The following RYR2 variants were observed in gnomAD, a reference collection of about 807,000 sequenced individuals.
RYR2 encodes the protein cardiac muscle ryanodine receptor-calcium release channel.
A neutral mutation model predicts 601.1 loss-of-function variants in RYR2; 227 were observed. The ratio of observed to expected loss-of-function variants is 0.38; its 90% CI spans 0.34 to 0.42. RYR2 has a LOEUF of 0.42. Among genes scored for constraint, RYR2 ranks in the 10% least tolerant of loss-of-function variants. RYR2 has a pLI of 1.00. For synonymous variants in RYR2, 2,223 were observed against 2,175.1 expected, an observed-to-expected ratio of 1.02 and a Z score of -0.61; for missense variants, 4,646 against 6,156.5, an observed-to-expected ratio of 0.75 and a Z score of 8.21.
At chr1:237,530,338 G>A (rs1668017985) in intron 24 of RYR2, 89 bp from the exon 25 acceptor site, 1 of 931,814 alleles carries the variant, frequency 1.1e-6, no homozygotes, top group East Asian at 2.7e-5. Context: ...GTGCTTTCAA[G>A]GTTGTATCTC....
At chr1:237,536,236 T>A (rs529403002) in intron 25 of RYR2, among the ~76,000 whole-genome samples, 1 of 152,222 alleles carries the variant, frequency 6.6e-6, no homozygotes, top group African/African-American at 2.4e-5. Context: ...CTGCACTTGA[T>A]GTTATTTATG....
At chr1:237,224,653 A>G (rs1189726200) in intron 1 of RYR2, among the ~76,000 whole-genome samples, 1 of 152,008 alleles carries the variant, frequency 6.6e-6, no homozygotes, top group Non-Finnish European at 1.5e-5. Context: ...AGACCAATAG[A>G]TCAAGACCAG....
At chr1:237,820,258 G>A (rs1276287986) in intron 101 of RYR2, among the ~76,000 whole-genome samples, 2 of 151,678 alleles carry the variant, frequency 1.3e-5, no homozygotes, top group Non-Finnish European at 2.9e-5. Context: ...AACAGCTCCA[G>A]TCTGCAGCTC....
At chr1:237,421,181 G>A in intron 11 of RYR2, among the ~76,000 whole-genome samples, 1 of 152,228 alleles carries the variant, frequency 6.6e-6, no homozygotes, top group Non-Finnish European at 1.5e-5. Context: ...GGAGTTTACA[G>A]TGAGCCAAGA....
intron 88 of RYR2, among the ~76,000 whole-genome samples, chr1:237,778,987 T>C (rs1324600203): frequency 6.6e-6 from 1 of 152,216 alleles, no homozygotes; most frequent in East Asian, 1.9e-4. Flanking sequence ...GAGTCATTAT[T>C]CAAATTTGAG....
intron 23 of RYR2, among the ~76,000 whole-genome samples, chr1:237,511,333 A>G (rs1191056158): frequency 4.0e-5 from 6 of 148,680 alleles, no homozygotes; most frequent in African/African-American, 1.5e-4. Context: ...CTGGGCAGGC[A>G]GACTGTCCTA....
intron 1 of RYR2, among the ~76,000 whole-genome samples, chr1:237,255,505 G>A (rs933774380): frequency 2.6e-5 from 4 of 152,022 alleles, no homozygotes; most frequent in Non-Finnish European, 5.9e-5. Context: ...TTATAACATA[G>A]GAACAAAAAA....
chr1:237,212,834 G>A (rs1682740706), intron 1 of RYR2, among the ~76,000 whole-genome samples: 1 of 152,112 alleles, frequency 6.6e-6, no homozygotes, highest in South Asian at 2.1e-4. Flanking sequence ...GAGTGCAGTA[G>A]CGTGATCTCG....
intron 12 of RYR2, among the ~76,000 whole-genome samples, chr1:237,437,041 T>A (rs1225211600): frequency 2.0e-5 from 3 of 151,302 alleles, no homozygotes; most frequent in Non-Finnish European, 2.9e-5. Flanking sequence ...TTATTTATTT[T>A]TTATTTTTAT....
intron 1 of RYR2, among the ~76,000 whole-genome samples, chr1:237,127,947 G>C (rs1671708871): frequency 6.6e-6 from 1 of 152,206 alleles, no homozygotes; most frequent in Admixed American, 6.5e-5. Context: ...ACGATGGGCG[G>C]CCAGGCAGAG....
intron 29 of RYR2, among the ~76,000 whole-genome samples, chr1:237,584,255 G>A (rs1361270576): frequency 6.6e-6 from 1 of 152,128 alleles, no homozygotes; most frequent in Non-Finnish European, 1.5e-5. Flanking sequence ...TGCTAATAAA[G>A]AATTGAACCC....
chr1:237,176,572 A>T (rs535901337), intron 1 of RYR2, among the ~76,000 whole-genome samples: 56 of 150,970 alleles, frequency 3.7e-4, no homozygotes, highest in East Asian at 2.6e-3. Flanking sequence ...TTATTTATTT[A>T]TTTATTTTTT....
At chr1:237,622,315 G>A (rs559827994) in intron 38 of RYR2, among the ~76,000 whole-genome samples, 17 of 152,234 alleles carry the variant, frequency 1.1e-4, no homozygotes, top group Admixed American at 2.6e-4. Flanking sequence ...TAACCATGCC[G>A]AATATGAAAA....
chr1:237,667,240 A>G (rs982133375), intron 57 of RYR2, among the ~76,000 whole-genome samples: 1 of 152,208 alleles, frequency 6.6e-6, no homozygotes, highest in Non-Finnish European at 1.5e-5. Flanking sequence ...ACATATTAGC[A>G]TTGTTGGTAA....
intron 1 of RYR2, among the ~76,000 whole-genome samples, chr1:237,071,859 C>CA (rs1444590009): frequency 1.3e-5 from 2 of 152,238 alleles, no homozygotes; most frequent in Non-Finnish European, 2.9e-5. Context: ...GAAACTCCCC[C>CA]AGAGTTTCAG....
intron 27 of RYR2, among the ~76,000 whole-genome samples, chr1:237,551,237 A>C (rs1030836607): frequency 3.9e-5 from 6 of 152,202 alleles, no homozygotes; most frequent in Admixed American, 2.6e-4. Flanking sequence ...ACCTTTGAAG[A>C]ATGTAGTTTA....
At chr1:237,623,350 C>CCTTTCTTTCTTTCTTTCTTT (rs1553528087) in intron 38 of RYR2, among the ~76,000 whole-genome samples, 9 of 73,872 alleles carry the variant, frequency 1.2e-4, no homozygotes, top group African/African-American at 3.0e-4. Context: ...GGTAGTTGTG[C>CCTTTCTTTCTTTCTTTCTTT]CTTTCTTTGT....
At chr1:237,741,860 C>T (rs1279339357) in intron 79 of RYR2, among the ~76,000 whole-genome samples, 1 of 152,118 alleles carries the variant, frequency 6.6e-6, no homozygotes, top group East Asian at 1.9e-4. Context: ...CTACTGCCTC[C>T]CAAAGTGCTG....
At chr1:237,451,580 CAAA>C (rs3035864) in intron 14 of RYR2, among the ~76,000 whole-genome samples, 2 of 120,018 alleles carry the variant, frequency 1.7e-5, no homozygotes, top group Non-Finnish European at 3.5e-5. Context: ...AACTCTGTCT[CAAA>C]AAAAAAAAAA....
Sources: allele counts gnomAD v4.1 joint callset (sites outside exome capture counted in the v4.1 genomes callset), GRCh38; gene constraint gnomAD v4.1.1; transcripts MANE v1.5; gene names NCBI Gene and HGNC (gene_info 2026-07-23, HGNC 2026-07-21).